The following KIAA1549L variants were observed in gnomAD, a reference collection of about 807,000 sequenced individuals.
The protein encoded by KIAA1549L is KIAA1549 like.
A neutral mutation model predicts 160.7 loss-of-function variants in KIAA1549L; 88 were observed. That is an observed-to-expected ratio of 0.55 (90% CI 0.46 to 0.65). The LOEUF is 0.65. Ranked by LOEUF, KIAA1549L falls within the 30% of genes least tolerant of loss-of-function variation. The pLI is 0.00. For synonymous variants in KIAA1549L, 950 were observed against 976.7 expected (o/e 0.97, Z 0.51); for missense variants, 2,258 against 2,437.5 (o/e 0.93, Z 1.55).
chr11:33,649,505 TA>T (rs34818689), intron 17 of KIAA1549L, among the ~76,000 whole-genome samples: 52,980 of 124,316 alleles, frequency 0.43, 11,340 homozygotes, highest in African/African-American at 0.53. Flanking sequence ...GTCTCTATTG[TA>T]AAAAAAAAAA....
chr11:33,607,478 C>T (rs1230150028), intron 14 of KIAA1549L, among the ~76,000 whole-genome samples: 2 of 152,274 alleles, frequency 1.3e-5, no homozygotes, highest in East Asian at 3.9e-4. Flanking sequence ...CCTTCATCTT[C>T]AGCAGCAGAA....
intron 6 of KIAA1549L, 140 bp downstream of exon 6, chr11:33,552,381 T>G: frequency 2.1e-6 from 2 of 937,156 alleles, no homozygotes; most frequent in Non-Finnish European, 3.2e-6. Context: ...TGAGGATGTC[T>G]GGGGTATGGC....
At chr11:33,577,202 G>C (rs1466243160) in intron 10 of KIAA1549L, among the ~76,000 whole-genome samples, 3 of 152,170 alleles carry the variant, frequency 2.0e-5, no homozygotes, top group Non-Finnish European at 4.4e-5. Flanking sequence ...AGAGATTAAG[G>C]GGATTGGAGG....
intron 6 of KIAA1549L, among the ~76,000 whole-genome samples, chr11:33,557,254 G>A (rs1854681329): frequency 6.6e-6 from 1 of 152,186 alleles, no homozygotes. Context: ...TTCCCAAAGT[G>A]CTGGGATTAC....
At chr11:33,481,205 A>G (rs1240139905) in intron 1 of KIAA1549L, among the ~76,000 whole-genome samples, 1 of 152,130 alleles carries the variant, frequency 6.6e-6, no homozygotes, top group Non-Finnish European at 1.5e-5. Context: ...AGTTCTTTAC[A>G]TGTGCTACTT....
At chr11:33,657,497 G>C (rs1288274035) in intron 18 of KIAA1549L, among the ~76,000 whole-genome samples, 3 of 127,638 alleles carry the variant, frequency 2.4e-5, no homozygotes, top group Non-Finnish European at 3.4e-5. Flanking sequence ...GAGGAAACAG[G>C]CTTGGAAAGG....
intron 1 of KIAA1549L, among the ~76,000 whole-genome samples, chr11:33,413,177 AAAGTTTGAG>A: frequency 6.6e-6 from 1 of 152,178 alleles, no homozygotes; most frequent in Non-Finnish European, 1.5e-5. Flanking sequence ...CTCATTTTCT[AAAGTTTGAG>A]AAGTTGGGCA....
At chr11:33,557,824 G>T (rs1315832633) in intron 6 of KIAA1549L, among the ~76,000 whole-genome samples, 1 of 152,098 alleles carries the variant, frequency 6.6e-6, no homozygotes, top group African/African-American at 2.4e-5. Flanking sequence ...GAGTTCAAGG[G>T]TTCAGTGAGC....
At chr11:33,446,625 T>C (rs980264096) in intron 1 of KIAA1549L, among the ~76,000 whole-genome samples, 2 of 152,158 alleles carry the variant, frequency 1.3e-5, no homozygotes, top group Admixed American at 6.6e-5. Flanking sequence ...AAATGTTGGC[T>C]AGGACTGCAG....
intron 1 of KIAA1549L, among the ~76,000 whole-genome samples, chr11:33,415,154 G>C (rs1039752690): frequency 1.3e-5 from 2 of 151,704 alleles, no homozygotes; most frequent in Non-Finnish European, 2.9e-5. Flanking sequence ...AGTTCAGAAA[G>C]AGAAGTGAAG....
At chr11:33,420,941 G>T (rs1367476696) in intron 1 of KIAA1549L, among the ~76,000 whole-genome samples, 1 of 152,110 alleles carries the variant, frequency 6.6e-6, no homozygotes, top group East Asian at 1.9e-4. Context: ...CCCATGGGAG[G>T]GTGACAAGGG....
intron 16 of KIAA1549L, among the ~76,000 whole-genome samples, chr11:33,635,423 T>C (rs1015205339): frequency 3.9e-5 from 6 of 152,236 alleles, no homozygotes; most frequent in African/African-American, 7.2e-5. Context: ...AATCTGTTCG[T>C]GCAGGATGGA....
intron 1 of KIAA1549L, among the ~76,000 whole-genome samples, chr11:33,449,136 A>G (rs1367628703): frequency 1.3e-5 from 2 of 152,120 alleles, no homozygotes; most frequent in East Asian, 1.9e-4. Context: ...TCTTCCTTCT[A>G]ATTTTCAGTT....
At chr11:33,611,470 C>T (rs1296166557) in intron 15 of KIAA1549L, among the ~76,000 whole-genome samples, 1 of 151,934 alleles carries the variant, frequency 6.6e-6, no homozygotes, top group Non-Finnish European at 1.5e-5. Context: ...AGGAAATTCT[C>T]AACCAGTGCT....
Position 33,543,784 on chromosome 11 carries a change from A to C in KIAA1549L, c.2221A>C (p.Thr741Pro), listed in dbSNP as rs765649744. Residue 741 changes from threonine (T) to proline (P), a missense_variant, in exon 2 of 21, where the codon ACA (threonine) becomes CCA (proline). By Grantham distance (38) the Thr-to-Pro change is conservative. This residue lies in a region of KIAA1549L where 287 missense variants were observed against 292.3 expected (regional missense o/e 0.98). Transcript: ENST00000658780. ...AAGTTGGGAAACTCATTTAGCTCCA[A>C]CAGCTCCTCCCAATGGTTTAACTTC... ...TTSWETHLAP[T>P]APPNGLTSAA... 1 of 1,614,060 alleles carries C rather than the reference A, an allele frequency of 6.2e-7. No individual in the cohort carries two copies. Among genetic ancestry groups the C allele is most frequent in the Non-Finnish European group, 8.5e-7 (1 of 1,179,900 alleles).
At chr11:33,408,819 G>A (rs763700169) in intron 1 of KIAA1549L, among the ~76,000 whole-genome samples, 6 of 148,926 alleles carry the variant, frequency 4.0e-5, no homozygotes, top group African/African-American at 7.4e-5. Context: ...ACATAGTGGC[G>A]CATGCCTGTA....
chr11:33,477,520 AACACACACACAC>A (rs57378048), intron 1 of KIAA1549L, among the ~76,000 whole-genome samples: 2 of 146,914 alleles, frequency 1.4e-5, no homozygotes, highest in Non-Finnish European at 3.0e-5. Context: ...CACACACACA[AACACACACACAC>A]ACACACACAC....
chr11:33,651,563 CTGCTGAGCATCCCAAATTCTT>C (rs1851886054), intron 17 of KIAA1549L, among the ~76,000 whole-genome samples: 1 of 152,110 alleles, frequency 6.6e-6, no homozygotes, highest in Admixed American at 6.5e-5. Flanking sequence ...ACTACGATTA[CTGCTGAGCATCCCAAATTCTT>C]TGGGACCCCT....
chr11:33,537,990 C>T (rs1273685694), intron 1 of KIAA1549L, among the ~76,000 whole-genome samples: 5 of 152,080 alleles, frequency 3.3e-5, no homozygotes, highest in East Asian at 1.9e-4. Context: ...AAGACATACC[C>T]GAGACTGGGT....
Sources: gnomAD v4.1 joint callset for allele counts (sites outside exome capture counted in the v4.1 genomes callset) on GRCh38, gnomAD v4.1.1 for gene constraint, gnomAD v4.1.1 regional missense constraint, MANE v1.5 for transcripts, NCBI Gene and HGNC (gene_info 2026-07-23, HGNC 2026-07-21) for gene names.